Variants in ZDHHC2 observed in about 807,000 individuals in gnomAD.
ZDHHC2 encodes zDHHC palmitoyltransferase 2, also known as palmitoyltransferase ZDHHC2.
In ZDHHC2, 51 loss-of-function variants were observed where a neutral mutation model predicts 55.6. That is an observed-to-expected ratio of 0.92 (90% confidence interval 0.73 to 1.16). ZDHHC2 has a LOEUF of 1.16. Among genes scored for constraint, ZDHHC2 ranks in the 50% most tolerant of loss-of-function variants. ZDHHC2 has a pLI of 0.00. For missense variants in ZDHHC2, 491 were observed against 442.4 expected (o/e 1.11, Z -0.99); for synonymous variants, 199 against 152.9 (o/e 1.30, Z -2.22).
rs1213807966 is a variant in ZDHHC2, at chr8:17,191,971, T to C, written c.253-3533T>C. 2.6e-5 allele frequency among the ~76,000 whole-genome samples: 4 copies of C among 152,130 alleles called. No homozygotes were observed. The East Asian group carries it at 5.8e-4, about 22-fold the overall frequency. ...TCCACCATCTCACCAGCATTTGTTA[T>C]TGCCTTTATTTTACTTTATTGGTAT... is the stretch of plus-strand genomic sequence containing the variant. On this transcript the variant is annotated intron_variant, in intron 3 of 12. Coordinates refer to ENST00000262096, the MANE Select transcript of ZDHHC2 (RefSeq NM_016353.5).
At chr8:17,182,822 C>T (rs969033828) in intron 1 of ZDHHC2, among the ~76,000 whole-genome samples, 3 of 152,068 alleles carry the variant, frequency 2.0e-5, no homozygotes, top group South Asian at 2.1e-4. Flanking sequence ...AGCGCAGTGG[C>T]GTGATGTTGG....
At chr8:17,182,912 C>T (rs1805510856) in intron 1 of ZDHHC2, among the ~76,000 whole-genome samples, 1 of 152,160 alleles carries the variant, frequency 6.6e-6, no homozygotes, top group South Asian at 2.1e-4. Flanking sequence ...AGGCGCGTGT[C>T]ACCACACCTG....
intron 4 of ZDHHC2, among the ~76,000 whole-genome samples, chr8:17,197,345 A>T (rs1156459097): frequency 6.6e-6 from 1 of 152,232 alleles, no homozygotes; most frequent in Admixed American, 6.5e-5. Flanking sequence ...CAATTGAAAA[A>T]GCATCAGAAA....
At chr8:17,156,923 C>T (rs931122199) in intron 1 of ZDHHC2, 70 bp downstream of exon 1, 44 of 1,354,230 alleles carry the variant, frequency 3.2e-5, no homozygotes, top group Non-Finnish European at 4.1e-5. Flanking sequence ...GGACGCTCAG[C>T]CGCTCCTCCG....
intron 3 of ZDHHC2, among the ~76,000 whole-genome samples, chr8:17,191,466 C>T (rs1806025353): frequency 6.6e-6 from 1 of 152,198 alleles, no homozygotes; most frequent in African/African-American, 2.4e-5. Flanking sequence ...AAGTTTCCTA[C>T]TACCCTTCCC....
chr8:17,180,895 C>A (rs1805398853), intron 1 of ZDHHC2, among the ~76,000 whole-genome samples: 1 of 152,092 alleles, frequency 6.6e-6, no homozygotes, highest in Non-Finnish European at 1.5e-5. Flanking sequence ...TGGAGGGAAC[C>A]CTGTGAACTT....
intron 1 of ZDHHC2, among the ~76,000 whole-genome samples, chr8:17,178,680 G>T (rs762353716): frequency 4.6e-5 from 7 of 152,194 alleles, no homozygotes; most frequent in Non-Finnish European, 1.5e-5. Context: ...TGGTAGTTCA[G>T]TCAAAAGAGA....
chr8:17,204,221 A>AT (rs1563165178), intron 6 of ZDHHC2, among the ~76,000 whole-genome samples: 3 of 152,164 alleles, frequency 2.0e-5, no homozygotes, highest in African/African-American at 7.2e-5. Flanking sequence ...TGATGTAAAC[A>AT]TTTTTTTCAC....
chr8:17,213,435 A>G (rs1296533354), intron 10 of ZDHHC2, among the ~76,000 whole-genome samples: 1 of 151,870 alleles, frequency 6.6e-6, no homozygotes, highest in Admixed American at 6.6e-5. Context: ...TATTTTTAGG[A>G]GAGATGGGGT....
intron 1 of ZDHHC2, among the ~76,000 whole-genome samples, chr8:17,176,037 C>T (rs370355302): frequency 2.6e-5 from 4 of 152,262 alleles, no homozygotes; most frequent in East Asian, 3.9e-4. Context: ...CATGCTTGAC[C>T]ACTGAGGCTG....
intron 6 of ZDHHC2, among the ~76,000 whole-genome samples, chr8:17,202,730 T>TACAC (rs1240991488): frequency 7.4e-6 from 1 of 134,516 alleles, no homozygotes; most frequent in African/African-American, 3.3e-5. Flanking sequence ...GTTATATATA[T>TACAC]ATATACACAC....
At chr8:17,210,903 C>G (rs1807352006) in intron 10 of ZDHHC2, among the ~76,000 whole-genome samples, 1 of 151,934 alleles carries the variant, frequency 6.6e-6, no homozygotes, top group East Asian at 1.9e-4. Context: ...TCAAATGGAC[C>G]CCCAGACACC....
At chr8:17,174,820 C>G (rs1805048814) in intron 1 of ZDHHC2, among the ~76,000 whole-genome samples, 1 of 151,318 alleles carries the variant, frequency 6.6e-6, no homozygotes, top group Non-Finnish European at 1.5e-5. Context: ...AAGGGATCCT[C>G]CCACCTCAGC....
chr8:17,184,848 TTAAA>T lies in ZDHHC2; in HGVS notation c.157+36_157+39del, dbSNP rs1805631047. ...AGATTATATTAATGTTATAGATTTTTTAAATAGTTTGAAAAAAAATTGTATTCAC... is the reference window on the plus strand; with the variant it reads ...AGATTATATTAATGTTATAGATTTTTTAGTTTGAAAAAAAATTGTATTCAC... On this transcript the variant is annotated intron_variant, in intron 2 of 12. Transcript: ENST00000262096. The T allele has an allele frequency of 9.9e-6, 15 of 1,508,012 alleles. No homozygotes were observed. In the East Asian group the frequency reaches 3.2e-4, roughly 32 times the overall value. The allele number at this position is 1,508,012 out of a possible 1,614,324, so 93.4% of individuals were successfully genotyped here.
Position 17,210,061 on chromosome 8 carries a change from A to G in ZDHHC2, c.857+3A>G. ...TGGTTGCTACCCATTTTTTCAAGGTACTTCTTTGTTAAAATTTTCAGGCTT... is the reference window on the plus strand; with the variant it reads ...TGGTTGCTACCCATTTTTTCAAGGTGCTTCTTTGTTAAAATTTTCAGGCTT... On this transcript the variant is annotated splice_donor_region_variant and intron_variant, in intron 9 of 12. Transcript: ENST00000262096. The G allele has an allele frequency of 6.3e-7, 1 of 1,590,974 alleles. No individual in the cohort carries two copies. The highest frequency in any genetic ancestry group is 8.6e-7 in the Non-Finnish European group (1 of 1,168,054).
intron 4 of ZDHHC2, among the ~76,000 whole-genome samples, chr8:17,196,475 G>A (rs1034835894): frequency 6.6e-6 from 1 of 151,960 alleles, no homozygotes; most frequent in Non-Finnish European, 1.5e-5. Flanking sequence ...GATTGCTTGA[G>A]CCCAGGAGTT....
At chr8:17,157,259 C>G (rs1318456190) in intron 1 of ZDHHC2, among the ~76,000 whole-genome samples, 1 of 152,168 alleles carries the variant, frequency 6.6e-6, no homozygotes, top group Non-Finnish European at 1.5e-5. Flanking sequence ...CAGACCCGCG[C>G]GGGGGTGCTG....
Position 17,210,438 on chromosome 8 carries a change from A to C in ZDHHC2, c.908A>C (p.Glu303Ala), listed in dbSNP as rs1430192554. ...ACTTGCCTTGTTAACCAGGATCCTG[A>C]ACAAGCATCTACTCCTGCAGGGCTG... ...FPTCLVNQDP[E>A]QASTPAGLNS... Residue 303 changes from glutamate (E) to alanine (A), a missense_variant, in exon 10 of 13, where the codon GAA (glutamate) becomes GCA (alanine). Glu to Ala is a moderately radical substitution (Grantham distance 107). Transcript: ENST00000262096. The C allele has an allele frequency of 3.1e-6, 5 of 1,613,348 alleles. No homozygotes were observed. The highest frequency in any genetic ancestry group is 1.7e-5 in the Admixed American group (1 of 59,924).
intron 1 of ZDHHC2, among the ~76,000 whole-genome samples, chr8:17,171,363 T>C (rs73198506): frequency 0.015 from 2,319 of 152,292 alleles, 38 homozygotes; most frequent in Non-Finnish European, 0.022. Context: ...ATGAGGACAC[T>C]AAGATCAGGG....
Sources: gnomAD v4.1 joint callset for allele counts (sites outside exome capture counted in the v4.1 genomes callset) on GRCh38, gnomAD v4.1.1 for gene constraint, MANE v1.5 for transcripts, NCBI Gene and HGNC (gene_info 2026-07-23, HGNC 2026-07-21) for gene names.